Variants in KCNH8 observed in about 807,000 individuals in gnomAD.
KCNH8 encodes voltage-gated delayed rectifier potassium channel KCNH8.
Under a neutral mutation model 103.6 loss-of-function variants are expected in KCNH8, and 70 were observed. The observed-to-expected ratio is 0.68, with a 90% CI of 0.56 to 0.82. The LOEUF (loss-of-function observed/expected upper bound fraction) is 0.82, where lower values mean the gene tolerates loss of function less well. Ranked by LOEUF, KCNH8 falls within the 40% of genes least tolerant of loss-of-function variation. The pLI is 0.00. For missense variants in KCNH8, 1,217 were observed against 1,329.9 expected (o/e 0.92, Z 1.32); for synonymous variants, 498 against 489.4 (o/e 1.02, Z -0.23).
chr3:19,486,509 C>T (rs2068212910), intron 11 of KCNH8, among the ~76,000 whole-genome samples: 1 of 152,176 alleles, frequency 6.6e-6, no homozygotes, highest in Admixed American at 6.5e-5. Context: ...TTTGGAAACC[C>T]CATCTAGTTG....
At position 19,162,695 on chromosome 3, in the gene KCNH8, G is replaced by A. The variant is rs115349208; in HGVS notation, c.76+13900G>A. ...TTTTAATTAGATAAATTTAAGTTCC[G>A]TACTGATTTTGCAATCTCTAAATCT... On this transcript the variant is annotated intron_variant, in intron 1 of 15. Transcript: ENST00000328405. Among the ~76,000 whole-genome samples, 202 of 152,022 alleles carry A rather than the reference G, an allele frequency of 1.3e-3. 1 individual carries two copies. Among genetic ancestry groups the A allele is most frequent in the African/African-American group, 4.2e-3 (175 of 41,448 alleles).
At position 19,328,600 on chromosome 3, in the gene KCNH8, A is replaced by G. The variant is rs187569911; in HGVS notation, c.443-13987A>G. Among the ~76,000 whole-genome samples, 118 of 152,300 alleles carry G rather than the reference A, an allele frequency of 7.7e-4. 1 individual carries two copies. Among genetic ancestry groups the G allele is most frequent in the Middle Eastern group, 3.4e-3 (1 of 294 alleles). On this transcript the variant is annotated intron_variant, in intron 3 of 15. Coordinates refer to ENST00000328405, the MANE Select transcript of KCNH8 (RefSeq NM_144633.3). ...AAAGATTCCAGAGACAGCGTTAGTCAATGTCTTCATAAATTCTGTGGAAAA... is the reference window on the plus strand; with the variant it reads ...AAAGATTCCAGAGACAGCGTTAGTCGATGTCTTCATAAATTCTGTGGAAAA...
chr3:19,533,640 C>T lies in KCNH8; in HGVS notation c.2865C>T (p.Thr955=), dbSNP rs776150050. Residue 955 remains threonine, a synonymous_variant, in exon 16 of 16, where the codon ACC becomes ACT. Transcript: ENST00000328405. ...CACAACTTTGTAGCAGTAATATCAC[C>T]TCAGACATTTGGAGTGTGGATCCCT... ...TQAQLCSSNI[T]SDIWSVDPSS... The T allele has an allele frequency of 6.2e-7, 1 of 1,614,180 alleles. No individual in the cohort carries two copies. Among genetic ancestry groups the T allele is most frequent in the South Asian group, 1.1e-5 (1 of 91,080 alleles).
rs1314678167 is a variant in KCNH8, at chr3:19,164,738, T to C, written c.76+15943T>C. Reference sequence around the variant, plus strand: ...AAGACATTATCTGGGAAGCTCAACATATAAAGTCGCCAACTGGCAATGTTT... The same window carrying C: ...AAGACATTATCTGGGAAGCTCAACACATAAAGTCGCCAACTGGCAATGTTT... On this transcript the variant is annotated intron_variant, in intron 1 of 15. Coordinates refer to ENST00000328405, the MANE Select transcript of KCNH8 (RefSeq NM_144633.3). Among the ~76,000 whole-genome samples the C allele has an allele frequency of 4.6e-5, 7 of 152,224 alleles. No homozygotes were observed. In the South Asian group the frequency reaches 1.2e-3, roughly 27 times the overall value.
intron 5 of KCNH8, among the ~76,000 whole-genome samples, chr3:19,369,042 G>A (rs1271891547): frequency 4.0e-5 from 6 of 151,736 alleles, no homozygotes; most frequent in South Asian, 2.1e-4. Flanking sequence ...GATAATATTC[G>A]TCTTAGTTTA....
intron 1 of KCNH8, among the ~76,000 whole-genome samples, chr3:19,208,248 A>G (rs568053246): frequency 1.3e-5 from 2 of 152,068 alleles, no homozygotes; most frequent in African/African-American, 2.4e-5. Flanking sequence ...AAAATATTGC[A>G]TTATGTTTTA....
At chr3:19,427,066 AAATT>A (rs1257193647) in intron 7 of KCNH8, among the ~76,000 whole-genome samples, 2 of 152,188 alleles carry the variant, frequency 1.3e-5, no homozygotes, top group Admixed American at 1.3e-4. Context: ...AGAAACATAA[AAATT>A]AATGCAAAAG....
intron 3 of KCNH8, among the ~76,000 whole-genome samples, chr3:19,340,968 C>T (rs541126648): frequency 2.6e-5 from 4 of 152,248 alleles, no homozygotes; most frequent in East Asian, 3.9e-4. Flanking sequence ...AAGCAATGTA[C>T]ACTTGGAAGT....
chr3:19,369,160 T>G (rs2066053161), intron 5 of KCNH8, among the ~76,000 whole-genome samples: 1 of 151,952 alleles, frequency 6.6e-6, no homozygotes, highest in African/African-American at 2.4e-5. Flanking sequence ...GTAACAGTAT[T>G]TTTATATTTA....
At chr3:19,308,747 T>C (rs1342870684) in intron 3 of KCNH8, among the ~76,000 whole-genome samples, 1 of 79,850 alleles carries the variant, frequency 1.3e-5, no homozygotes, top group Admixed American at 1.3e-4. Context: ...CCTCTCTCCC[T>C]CTCTCCCTCT....
intron 3 of KCNH8, among the ~76,000 whole-genome samples, chr3:19,292,859 G>A (rs371298310): frequency 6.6e-6 from 1 of 152,204 alleles, no homozygotes; most frequent in African/African-American, 2.4e-5. Context: ...AGGAAGGAAT[G>A]TCTTTCCCCT....
At chr3:19,331,249 T>TTTA (rs2065502209) in intron 3 of KCNH8, among the ~76,000 whole-genome samples, 16 of 144,576 alleles carry the variant, frequency 1.1e-4, no homozygotes, top group South Asian at 2.2e-4. Flanking sequence ...CTTTAATTAT[T>TTTA]TTTATTTATT....
At chr3:19,514,049 T>G (rs1213241078) in intron 13 of KCNH8, among the ~76,000 whole-genome samples, 1 of 152,144 alleles carries the variant, frequency 6.6e-6, no homozygotes, top group Non-Finnish European at 1.5e-5. Context: ...AATTTCACAT[T>G]CACAATTGCA....
intron 5 of KCNH8, among the ~76,000 whole-genome samples, chr3:19,369,859 GCTT>G (rs1270598264): frequency 3.3e-5 from 5 of 151,994 alleles, no homozygotes; most frequent in African/African-American, 1.2e-4. Context: ...TCTTGACGCT[GCTT>G]CTTTAGTTTT....
intron 7 of KCNH8, among the ~76,000 whole-genome samples, chr3:19,405,387 G>A (rs984296673): frequency 1.3e-4 from 20 of 151,806 alleles, no homozygotes; most frequent in Admixed American, 5.9e-4. Context: ...TGTTTGATAA[G>A]TTTTATATTT....
At chr3:19,385,833 G>A (rs955172419) in intron 5 of KCNH8, among the ~76,000 whole-genome samples, 3 of 152,056 alleles carry the variant, frequency 2.0e-5, no homozygotes, top group Non-Finnish European at 4.4e-5. Flanking sequence ...TCAACAGCTG[G>A]TTTAATTAAA....
intron 7 of KCNH8, among the ~76,000 whole-genome samples, chr3:19,397,353 A>G (rs539837922): frequency 5.9e-5 from 9 of 151,756 alleles, no homozygotes; most frequent in East Asian, 2.0e-4. Context: ...CAGATTTGCA[A>G]TATTTTTTTT....
At chr3:19,295,206 ACTGT>A (rs1171665447) in intron 3 of KCNH8, among the ~76,000 whole-genome samples, 7 of 151,792 alleles carry the variant, frequency 4.6e-5, no homozygotes, top group Non-Finnish European at 8.8e-5. Flanking sequence ...ACAGGGAGAC[ACTGT>A]CTGTACAAAA....
intron 3 of KCNH8, among the ~76,000 whole-genome samples, chr3:19,321,249 C>A (rs1381758399): frequency 1.3e-5 from 2 of 151,604 alleles, no homozygotes; most frequent in African/African-American, 4.8e-5. Context: ...GTTTTTGTTT[C>A]TCTAGTTCTC....
Sources: allele counts gnomAD v4.1 joint callset (sites outside exome capture counted in the v4.1 genomes callset), GRCh38; gene constraint gnomAD v4.1.1; transcripts MANE v1.5; gene names NCBI Gene and HGNC (gene_info 2026-07-23, HGNC 2026-07-21).